The following ERBB4 variants were observed in gnomAD, a reference collection of about 807,000 sequenced individuals.
ERBB4 encodes receptor tyrosine-protein kinase erbB-4.
ERBB4 carries 42 observed loss-of-function variants against 158.0 expected under a neutral mutation model. The ratio of observed to expected loss-of-function variants is 0.27; its 90% CI spans 0.21 to 0.34. The LOEUF (loss-of-function observed/expected upper bound fraction) is 0.34, where lower values mean the gene tolerates loss of function less well. ERBB4 is among the 10% of genes least tolerant of loss of function. The pLI, the probability that ERBB4 is intolerant of heterozygous loss-of-function variation, is 1.00. For missense variants in ERBB4, 1,333 were observed against 1,624.1 expected (o/e 0.82, Z 3.08); for synonymous variants, 583 against 558.7 (o/e 1.04, Z -0.61).
intron 27 of ERBB4, 75 bp from the exon 28 acceptor site, chr2:211,384,135 G>T: frequency 1.8e-6 from 2 of 1,081,598 alleles, no homozygotes; most frequent in Non-Finnish European, 1.4e-6. Flanking sequence ...ATACATAATG[G>T]TTAGCTTCTT....
At chr2:211,429,733 G>T (rs1025249574) in intron 21 of ERBB4, among the ~76,000 whole-genome samples, 1 of 152,232 alleles carries the variant, frequency 6.6e-6, no homozygotes, top group Non-Finnish European at 1.5e-5. Flanking sequence ...GGGAAGAGAA[G>T]ACACATTGAA....
At chr2:211,889,767 C>T (rs2106180338) in intron 3 of ERBB4, among the ~76,000 whole-genome samples, 1 of 151,638 alleles carries the variant, frequency 6.6e-6, no homozygotes, top group East Asian at 1.9e-4. Context: ...ATGCAGAAGC[C>T]TCAGGAGCCG....
At chr2:212,087,625 C>T (rs1181804804) in intron 2 of ERBB4, among the ~76,000 whole-genome samples, 1 of 152,068 alleles carries the variant, frequency 6.6e-6, no homozygotes, top group East Asian at 1.9e-4. Context: ...AATTTGCACT[C>T]TAGTGGAAAG....
At chr2:211,802,473 A>G (rs2076522739) in intron 3 of ERBB4, among the ~76,000 whole-genome samples, 1 of 152,228 alleles carries the variant, frequency 6.6e-6, no homozygotes, top group Non-Finnish European at 1.5e-5. Flanking sequence ...TGAAGTTCAG[A>G]ACAATTAGCT....
chr2:212,074,210 T>C (rs998672271), intron 2 of ERBB4, among the ~76,000 whole-genome samples: 2 of 151,990 alleles, frequency 1.3e-5, no homozygotes, highest in East Asian at 3.9e-4. Flanking sequence ...AGATGGAAGT[T>C]GCACTCCCTA....
intron 3 of ERBB4, among the ~76,000 whole-genome samples, chr2:211,858,632 C>T (rs1036342194): frequency 3.3e-5 from 5 of 151,802 alleles, no homozygotes; most frequent in Admixed American, 6.6e-5. Flanking sequence ...CCTTGGCTAG[C>T]GTTTCTCTGT....
At chr2:212,499,020 T>C (rs1042601170) in intron 1 of ERBB4, among the ~76,000 whole-genome samples, 10 of 151,984 alleles carry the variant, frequency 6.6e-5, no homozygotes, top group African/African-American at 2.4e-4. Context: ...AAGATCTTCA[T>C]ATAATTACAA....
chr2:211,829,698 AC>A (rs1484461601), intron 3 of ERBB4, among the ~76,000 whole-genome samples: 2 of 152,148 alleles, frequency 1.3e-5, no homozygotes, highest in African/African-American at 4.8e-5. Context: ...GACAAACTGA[AC>A]ACCTTGAGTT....
chr2:212,350,850 C>G (rs987155844), intron 1 of ERBB4, among the ~76,000 whole-genome samples: 3 of 152,036 alleles, frequency 2.0e-5, no homozygotes, highest in African/African-American at 7.2e-5. Flanking sequence ...ATAAGGCTGA[C>G]TTTAGATAAT....
chr2:212,496,480 G>A (rs914906109), intron 1 of ERBB4, among the ~76,000 whole-genome samples: 4 of 152,014 alleles, frequency 2.6e-5, no homozygotes, highest in East Asian at 1.9e-4. Flanking sequence ...AAAAACTTAC[G>A]GGCATTATAT....
At chr2:211,394,993 A>C (rs1473675254) in intron 25 of ERBB4, among the ~76,000 whole-genome samples, 1 of 152,100 alleles carries the variant, frequency 6.6e-6, no homozygotes. Flanking sequence ...GTAATAGAAA[A>C]GATCACTTCC....
intron 1 of ERBB4, among the ~76,000 whole-genome samples, chr2:212,133,095 A>C (rs1171685655): frequency 6.6e-6 from 1 of 151,838 alleles, no homozygotes; most frequent in African/African-American, 2.4e-5. Context: ...GTAACTTAAA[A>C]TTTTTTGGTT....
chr2:212,369,726 A>T (rs2090018995), intron 1 of ERBB4, among the ~76,000 whole-genome samples: 1 of 151,900 alleles, frequency 6.6e-6, no homozygotes, highest in Non-Finnish European at 1.5e-5. Flanking sequence ...ACAGGGTCTC[A>T]CTCTGATGCC....
intron 16 of ERBB4, among the ~76,000 whole-genome samples, chr2:211,652,414 C>T (rs1462319287): frequency 6.6e-6 from 1 of 152,120 alleles, no homozygotes; most frequent in Non-Finnish European, 1.5e-5. Flanking sequence ...TGCCACTCAT[C>T]TAAGGTAACG....
chr2:211,930,905 G>A (rs1042617957), intron 3 of ERBB4, among the ~76,000 whole-genome samples: 6 of 152,082 alleles, frequency 3.9e-5, no homozygotes, highest in Non-Finnish European at 8.8e-5. Flanking sequence ...ATTTAAAAGG[G>A]AGCAATGATT....
At chr2:211,977,397 G>T (rs17414925) in intron 2 of ERBB4, among the ~76,000 whole-genome samples, 24,859 of 151,804 alleles carry the variant, frequency 0.16, 2,170 homozygotes, top group Middle Eastern at 0.23. Flanking sequence ...CAAGTCCTTT[G>T]CTAAAACAAA....
At chr2:212,469,541 G>T (rs1461256813) in intron 1 of ERBB4, among the ~76,000 whole-genome samples, 1 of 152,110 alleles carries the variant, frequency 6.6e-6, no homozygotes, top group African/African-American at 2.4e-5. Flanking sequence ...GTTCTAAAAA[G>T]ATATTATGTC....
intron 3 of ERBB4, among the ~76,000 whole-genome samples, chr2:211,874,536 A>G (rs1297995811): frequency 6.6e-6 from 1 of 152,122 alleles, no homozygotes; most frequent in African/African-American, 2.4e-5. Flanking sequence ...AATTAGGTAA[A>G]ATTTAGGATC....
intron 1 of ERBB4, among the ~76,000 whole-genome samples, chr2:212,260,667 G>T (rs1273508833): frequency 6.6e-6 from 1 of 152,016 alleles, no homozygotes; most frequent in Non-Finnish European, 1.5e-5. Context: ...ACAAAAATTA[G>T]CTGAGCATGG....
Sources: gnomAD v4.1 joint callset for allele counts (sites outside exome capture counted in the v4.1 genomes callset) on GRCh38, gnomAD v4.1.1 for gene constraint, MANE v1.5 for transcripts, NCBI Gene and HGNC (gene_info 2026-07-23, HGNC 2026-07-21) for gene names.